The following ZC3H6 variants were observed in gnomAD, a reference collection of about 807,000 sequenced individuals.
ZC3H6 encodes zinc finger CCCH domain-containing protein 6.
Under a neutral mutation model 107.7 loss-of-function variants are expected in ZC3H6, and 40 were observed. The ratio of observed to expected loss-of-function variants is 0.37; its 90% CI spans 0.29 to 0.48. ZC3H6 has a LOEUF of 0.48. Among genes scored for constraint, ZC3H6 ranks in the 20% least tolerant of loss-of-function variants. The pLI, the probability that ZC3H6 is intolerant of heterozygous loss-of-function variation, is 0.98. For synonymous variants in ZC3H6, 493 were observed against 487.9 expected, an observed-to-expected ratio of 1.01 and a Z score of -0.14; for missense variants, 1,267 against 1,410.4, an observed-to-expected ratio of 0.90 and a Z score of 1.63.
intron 1 of ZC3H6, among the ~76,000 whole-genome samples, chr2:112,284,782 T>C (rs1166694765): frequency 2.0e-5 from 3 of 152,220 alleles, no homozygotes; most frequent in African/African-American, 7.2e-5. Context: ...ACAGAACTTT[T>C]GGAGGTTTTC....
In ZC3H6 at chr2:112,303,360, A is replaced by AT. The variant is rs1192178192; in HGVS notation, c.336+16dup. On this transcript the variant is annotated intron_variant, in intron 3 of 11. Transcript: ENST00000409871. ...ACATTCCATTTACTCAGGTATTGCC[A>AT]TTTTTTTGTTTTGTGATAAAACATA... The AT allele has an allele frequency of 8.1e-6, 13 of 1,608,440 alleles. No homozygotes were observed. The highest frequency in any genetic ancestry group is 2.2e-5 in the South Asian group (2 of 90,378).
chr2:112,297,988 G>A (rs962585884), intron 1 of ZC3H6, among the ~76,000 whole-genome samples: 1 of 152,130 alleles, frequency 6.6e-6, no homozygotes. Flanking sequence ...GATGGCGTGT[G>A]CCTGTAATCC....
rs757580470 is a variant in ZC3H6 at position 112,285,359 on chromosome 2, A to AT, written c.32+9348dup. On this transcript the variant is annotated intron_variant, in intron 1 of 11. Coordinates refer to ENST00000409871, the MANE Select transcript of ZC3H6 (RefSeq NM_198581.3). ...AAATGAATATTCAGATACTGAGTAA[A>AT]TTTTTTTTTTTTTTTGAGATGGCAT... 3.3e-3 allele frequency among the ~76,000 whole-genome samples: 471 copies of AT among 144,656 alleles called. 3 individuals carry two copies. The highest frequency in any genetic ancestry group is 5.4e-3 in the African/African-American group (214 of 39,708). The allele number at this position is 144,656 out of a possible 152,430, so 94.9% of individuals were successfully genotyped here.
At chr2:112,317,564 G>T (rs1004717067) in intron 7 of ZC3H6, among the ~76,000 whole-genome samples, 1 of 152,112 alleles carries the variant, frequency 6.6e-6, no homozygotes, top group African/African-American at 2.4e-5. Flanking sequence ...TGAAGGGAAG[G>T]TACTTTAATA....
chr2:112,309,064 A>G (rs1275513905), intron 3 of ZC3H6, among the ~76,000 whole-genome samples: 1 of 152,140 alleles, frequency 6.6e-6, no homozygotes. Flanking sequence ...AAAGAAATAA[A>G]TAAATAAAAT....
intron 10 of ZC3H6, 89 bp downstream of exon 10, chr2:112,324,752 G>A: frequency 7.7e-7 from 1 of 1,299,122 alleles, no homozygotes; most frequent in Admixed American, 2.8e-5. Context: ...TAAGTTTTAA[G>A]TAAAGCTGAG....
Position 112,311,901 on chromosome 2 carries a change from G to A in ZC3H6, c.711G>A (p.Gly237=). 1 of 1,613,208 alleles carries A rather than the reference G, an allele frequency of 6.2e-7. No individual in the cohort carries two copies. Among genetic ancestry groups the A allele is most frequent in the Non-Finnish European group, 8.5e-7 (1 of 1,179,382 alleles). The part of the protein sequence containing the change: ...RKERGGRTNK[G]PNVFSVSDDF... ...AACGTGGGGGAAGAACCAATAAAGG[G>A]CCTAATGTGTTTTCAGTATCGGATG... Residue 237 remains glycine, a synonymous_variant, in exon 5 of 12, where the codon GGG becomes GGA. Coordinates refer to ENST00000409871, the MANE Select transcript of ZC3H6 (RefSeq NM_198581.3).
chr2:112,314,030 G>A (rs1676643701), intron 5 of ZC3H6, among the ~76,000 whole-genome samples: 1 of 151,834 alleles, frequency 6.6e-6, no homozygotes, highest in African/African-American at 2.4e-5. Flanking sequence ...TATTTTCCTG[G>A]TAGATCCTTA....
rs776225717 is a variant in ZC3H6, at chr2:112,303,279, T to C, written c.264T>C (p.Asp88=). 6.2e-7 allele frequency: 1 copy of C among 1,613,252 alleles called. No homozygotes were observed. The highest frequency in any genetic ancestry group is 1.3e-5 in the African/African-American group (1 of 75,030). Reference sequence around the variant, plus strand: ...GTTCGGACTACAGCCTTGATTCAGATGTTGAACATACAGAAAGTTCCCATA... The same window carrying C: ...GTTCGGACTACAGCCTTGATTCAGACGTTGAACATACAGAAAGTTCCCATA... ...DDSSDYSLDS[D]VEHTESSHKK... The change falls in exon 3 of 12, where the codon GAT becomes GAC. Residue 88 remains aspartate (D), a synonymous_variant. Coordinates refer to ENST00000409871, the MANE Select transcript of ZC3H6 (RefSeq NM_198581.3).
intron 1 of ZC3H6, 42 bp downstream of exon 1, chr2:112,276,068 A>G: frequency 6.5e-7 from 1 of 1,530,798 alleles, no homozygotes; most frequent in Non-Finnish European, 8.8e-7. Context: ...GGATGAGAGG[A>G]GGGGTCTGGG....
rs533725926 is a variant in ZC3H6, at chr2:112,325,779, T to A, written c.2086+582T>A. ...AGTTATTAGAGATATTTTTATGTCA[T>A]AGGCTCTATAATTAAGGATCTGCTA... On this transcript the variant is annotated intron_variant, in intron 11 of 11. Coordinates refer to ENST00000409871, the MANE Select transcript of ZC3H6 (RefSeq NM_198581.3). Among the ~76,000 whole-genome samples, 11 of 152,246 alleles carry A rather than the reference T, an allele frequency of 7.2e-5. No homozygotes were observed. The East Asian group carries it at 1.9e-3, about 27-fold the overall frequency.
intron 11 of ZC3H6, among the ~76,000 whole-genome samples, chr2:112,330,092 G>A (rs1235994510): frequency 1.3e-5 from 2 of 149,394 alleles, no homozygotes; most frequent in Non-Finnish European, 3.0e-5. Context: ...TTGCTCTGTC[G>A]CCCAGGCTGG....
At chr2:112,326,301 G>T (rs1181397031) in intron 11 of ZC3H6, among the ~76,000 whole-genome samples, 1 of 151,820 alleles carries the variant, frequency 6.6e-6, no homozygotes, top group Non-Finnish European at 1.5e-5. Context: ...CAAATACTAG[G>T]TCTTATTCAT....
chr2:112,335,441 A>C lies in ZC3H6; in HGVS notation c.*2953A>C, dbSNP rs1677121982. 6.6e-6 allele frequency: 1 copy of C among 152,132 alleles called. No individual in the cohort carries two copies. The allele number at this position is 152,132 out of a possible 1,614,324, so 9.4% of individuals were successfully genotyped here. A position where few individuals can be genotyped will look rare whatever the true frequency, so the allele number is the denominator to read the frequency against. On this transcript the variant is annotated 3_prime_UTR_variant, in exon 12 of 12. Transcript: ENST00000409871. ...TCTGCTGAATTAATTAGAGGTAGGA[A>C]GGACTTACAAGGGCTGGAAGTTTAA...
At chr2:112,321,201 G>A (rs954802735) in intron 7 of ZC3H6, among the ~76,000 whole-genome samples, 1 of 151,856 alleles carries the variant, frequency 6.6e-6, no homozygotes, top group African/African-American at 2.4e-5. Flanking sequence ...TTAGTCTGTA[G>A]TTGATTATTG....
chr2:112,313,821 T>G (rs372667077), intron 5 of ZC3H6, among the ~76,000 whole-genome samples: 2 of 152,188 alleles, frequency 1.3e-5, no homozygotes, highest in African/African-American at 4.8e-5. Flanking sequence ...CCTAGGCCTT[T>G]CAGAGACTAT....
chr2:112,279,582 C>T (rs1006404519), intron 1 of ZC3H6, among the ~76,000 whole-genome samples: 4 of 152,046 alleles, frequency 2.6e-5, no homozygotes, highest in Admixed American at 1.3e-4. Context: ...GCTTTCTGTC[C>T]TGTACTACAA....
chr2:112,289,053 CT>C (rs1368350010), intron 1 of ZC3H6, among the ~76,000 whole-genome samples: 49 of 77,798 alleles, frequency 6.3e-4, no homozygotes, highest in Admixed American at 5.3e-3. Flanking sequence ...TCTTTTTTTT[CT>C]TTTTTTTCTT....
At position 112,335,120 on chromosome 2, in the gene ZC3H6, C is replaced by T. The variant is rs1677117365; in HGVS notation, c.*2632C>T. On this transcript the variant is annotated 3_prime_UTR_variant, in exon 12 of 12. Coordinates refer to ENST00000409871, the MANE Select transcript of ZC3H6 (RefSeq NM_198581.3). ...AATTGAGATTCAGCAACTGCTGTCT[C>T]ATATCTTGGTTAAGACCTCATTGTG... 1 of 152,188 alleles carries T rather than the reference C, an allele frequency of 6.6e-6. No individual in the cohort carries two copies. The highest frequency in any genetic ancestry group is 1.5e-5 in the Non-Finnish European group (1 of 68,016). The allele number at this position is 152,188 out of a possible 1,614,324, so 9.4% of individuals were successfully genotyped here. A position where few individuals can be genotyped will look rare whatever the true frequency, so the allele number is the denominator to read the frequency against.
Sources: gnomAD v4.1 joint callset for allele counts (sites outside exome capture counted in the v4.1 genomes callset) on GRCh38, gnomAD v4.1.1 for gene constraint, MANE v1.5 for transcripts, NCBI Gene and HGNC (gene_info 2026-07-23, HGNC 2026-07-21) for gene names.